TSTD2: variants seen among roughly 807,000 people sequenced by gnomAD.
TSTD2 encodes thiosulfate sulfurtransferase/rhodanese-like domain-containing protein 2.
Under a neutral mutation model 47.9 loss-of-function variants are expected in TSTD2, and 37 were observed. The ratio of observed to expected loss-of-function variants is 0.77; its 90% CI spans 0.59 to 1.02. The LOEUF is 1.02. Among genes scored for constraint, TSTD2 ranks in the 50% least tolerant of loss-of-function variants. The pLI is 0.00. For synonymous variants in TSTD2, 201 were observed against 215.9 expected, an observed-to-expected ratio of 0.93 and a Z score of 0.61; for missense variants, 586 against 616.0, an observed-to-expected ratio of 0.95 and a Z score of 0.52.
chr9:97,626,627 T>C (rs1192636121), intron 2 of TSTD2, among the ~76,000 whole-genome samples: 3 of 152,212 alleles, frequency 2.0e-5, no homozygotes, highest in African/African-American at 4.8e-5. Context: ...CTGATGAACA[T>C]TTAGATTGTT....
Position 97,605,580 on chromosome 9 carries a change from A to G in TSTD2, c.1016T>C (p.Val339Ala), listed in dbSNP as rs764581926. ...IRKFSYFPSY[V>A]DKNLELFREK... ...TCTGAAAAGTTCTAGATTTTTGTCA[A>G]CGTAGCTAGGGAAGTAACTGAATTT... Residue 339 changes from valine to alanine, a missense_variant, in exon 8 of 10, where the codon GTT becomes GCT. By Grantham distance (64) the Val-to-Ala change is moderately conservative. Coordinates refer to ENST00000341170, the MANE Select transcript of TSTD2 (RefSeq NM_139246.5). 4.3e-6 allele frequency: 7 copies of G among 1,614,116 alleles called. No individual in the cohort carries two copies. The highest frequency in any genetic ancestry group is 1.3e-5 in the African/African-American group (1 of 74,940).
intron 1 of TSTD2, among the ~76,000 whole-genome samples, chr9:97,630,108 A>T (rs1826784990): frequency 6.6e-6 from 1 of 152,114 alleles, no homozygotes; most frequent in African/African-American, 2.4e-5. Context: ...AAGGCCTGAA[A>T]AACTTAGTTT....
intron 9 of TSTD2, 180 bp from the exon 10 acceptor site, chr9:97,602,947 A>AT (rs1434615644): frequency 7.2e-6 from 4 of 556,370 alleles, no homozygotes; most frequent in South Asian, 7.4e-5. Context: ...CACCCAGCTT[A>AT]TTTTTTTGTG....
chr9:97,621,210 T>G (rs763036284), intron 3 of TSTD2, among the ~76,000 whole-genome samples: 3 of 152,244 alleles, frequency 2.0e-5, no homozygotes, highest in Non-Finnish European at 2.9e-5. Context: ...TTGTGAAGAT[T>G]TCATGGACAT....
chr9:97,600,522 T>A lies in TSTD2; in HGVS notation c.*1947A>T. 23 of 985,786 alleles carry A rather than the reference T, an allele frequency of 2.3e-5. No individual in the cohort carries two copies. The highest frequency in any genetic ancestry group is 2.8e-5 in the Non-Finnish European group (23 of 830,198). 61.1% of individuals were successfully genotyped at this position (985,786 alleles called of 1,614,324 possible). On this transcript the variant is annotated 3_prime_UTR_variant, in exon 10 of 10. Coordinates refer to ENST00000341170, the MANE Select transcript of TSTD2 (RefSeq NM_139246.5). ...ACGGCCAAATACTTTTGAAAACACCTTTCTATATTGCACAGTGGGCAAATG... is the reference window on the plus strand; with the variant it reads ...ACGGCCAAATACTTTTGAAAACACCATTCTATATTGCACAGTGGGCAAATG...
chr9:97,617,213 G>A lies in TSTD2; in HGVS notation c.603+544C>T, dbSNP rs961674271. Among the ~76,000 whole-genome samples the A allele has an allele frequency of 1.6e-3, 237 of 152,352 alleles. 1 individual carries two copies. Among genetic ancestry groups the A allele is most frequent in the African/African-American group, 5.4e-3 (225 of 41,584 alleles). On this transcript the variant is annotated intron_variant, in intron 4 of 9. Coordinates refer to ENST00000341170, the MANE Select transcript of TSTD2 (RefSeq NM_139246.5). The stretch of plus-strand genomic sequence containing the variant: ...AGATCTGAAGTGGGGTATGCGCCAT[G>A]TGAAGGTGCAGGGAAGAGCACTCTA...
intron 3 of TSTD2, among the ~76,000 whole-genome samples, chr9:97,622,796 G>T (rs1406696201): frequency 6.6e-6 from 1 of 152,222 alleles, no homozygotes; most frequent in Non-Finnish European, 1.5e-5. Context: ...GACTTGCATG[G>T]GGCCTGTGGC....
At chr9:97,626,968 T>C (rs1297591952) in intron 2 of TSTD2, among the ~76,000 whole-genome samples, 2 of 152,218 alleles carry the variant, frequency 1.3e-5, no homozygotes, top group African/African-American at 4.8e-5. Context: ...GCTGAATACT[T>C]TTTCCTGCTT....
Position 97,602,402 on chromosome 9 carries a change from G to C in TSTD2, c.*67C>G, listed in dbSNP as rs1826276382. The C allele has an allele frequency of 1.3e-6, 2 of 1,484,130 alleles. No homozygotes were observed. Among genetic ancestry groups the C allele is most frequent in the Non-Finnish European group, 1.8e-6 (2 of 1,113,104 alleles). The allele number at this position is 1,484,130 out of a possible 1,614,324, so 91.9% of individuals were successfully genotyped here. A position where few individuals can be genotyped will look rare whatever the true frequency, so the allele number is the denominator to read the frequency against. Reference sequence around the variant, plus strand: ...TTCTCTGTTTCTGCAGTCTTGCCATGCTTTCTCTGTATAGTCACCCCAAAC... The same window carrying C: ...TTCTCTGTTTCTGCAGTCTTGCCATCCTTTCTCTGTATAGTCACCCCAAAC... On this transcript the variant is annotated 3_prime_UTR_variant, in exon 10 of 10. Transcript: ENST00000341170.
chr9:97,600,487 G>GTT lies in TSTD2; in HGVS notation c.*1981_*1982insAA. 1.0e-6 allele frequency: 1 copy of GTT among 985,650 alleles called. No homozygotes were observed. Among genetic ancestry groups the GTT allele is most frequent in the Non-Finnish European group, 1.2e-6 (1 of 830,104 alleles). The allele number at this position is 985,650 out of a possible 1,614,324, so 61.1% of individuals were successfully genotyped here. A position where few individuals can be genotyped will look rare whatever the true frequency, so the allele number is the denominator to read the frequency against. ...ATTGAATGCCAACCTTATGATGGAT[G>GTT]TGAAAATCTACGGCCAAATACTTTT... On this transcript the variant is annotated 3_prime_UTR_variant, in exon 10 of 10. Transcript: ENST00000341170.
chr9:97,619,808 C>T (rs951868360), intron 3 of TSTD2, among the ~76,000 whole-genome samples: 2 of 152,140 alleles, frequency 1.3e-5, no homozygotes, highest in East Asian at 1.9e-4. Context: ...AAGTTATACG[C>T]AAATTTTCAA....
Position 97,606,270 on chromosome 9 carries a change from A to T in TSTD2, c.836-9T>A. ...TGGGGATAAATGGATTCCTAAAACC[A>T]AACCAAAAAAATTATATTAAAACAA... On this transcript the variant is annotated splice_polypyrimidine_tract_variant and intron_variant, in intron 6 of 9. Transcript: ENST00000341170. 1 of 1,521,924 alleles carries T rather than the reference A, an allele frequency of 6.6e-7. No homozygotes were observed. The highest frequency in any genetic ancestry group is 1.2e-5 in the South Asian group (1 of 84,254). The allele number at this position is 1,521,924 out of a possible 1,614,324, so 94.3% of individuals were successfully genotyped here. A position where few individuals can be genotyped will look rare whatever the true frequency, so the allele number is the denominator to read the frequency against.
chr9:97,604,993 C>T (rs1826341790), intron 8 of TSTD2, 128 bp from the exon 9 acceptor site: 1 of 1,456,184 alleles, frequency 6.9e-7, no homozygotes. Context: ...CAGTCAGGGG[C>T]TCCTGGCTCC....
chr9:97,627,934 G>C (rs531903346), intron 1 of TSTD2, among the ~76,000 whole-genome samples: 23 of 152,334 alleles, frequency 1.5e-4, no homozygotes, highest in African/African-American at 5.5e-4. Context: ...ATAATCAGCA[G>C]GGTAGGGAGG....
At chr9:97,602,895 G>A in intron 9 of TSTD2, 128 bp from the exon 10 acceptor site, 2 of 893,516 alleles carry the variant, frequency 2.2e-6, no homozygotes, top group Non-Finnish European at 3.3e-6. Flanking sequence ...CAAATAGTAA[G>A]TCTTCTGTCT....
rs1826281867 is a variant in TSTD2, at chr9:97,602,576, T to C, written c.1444A>G (p.Thr482Ala). The C allele has an allele frequency of 5.0e-6, 8 of 1,614,200 alleles. No individual in the cohort carries two copies. Among genetic ancestry groups the C allele is most frequent in the African/African-American group, 1.3e-5 (1 of 75,052 alleles). Residue 482 changes from threonine (T) to alanine (A), a missense_variant, in exon 10 of 10, where the codon ACA (threonine) becomes GCA (alanine). Thr to Ala is a moderately conservative substitution (Grantham distance 58). Coordinates refer to ENST00000341170, the MANE Select transcript of TSTD2 (RefSeq NM_139246.5). ...QDSFKEECEC[T>A]ARRPRIPREL... ...CTAGGTATGCGTGGCCGTCGGGCTG[T>C]GCACTCGCATTCCTCTTTAAAGCTG...
intron 1 of TSTD2, among the ~76,000 whole-genome samples, chr9:97,628,053 AAAT>A (rs1386662656): frequency 6.6e-6 from 1 of 152,226 alleles, no homozygotes; most frequent in Non-Finnish European, 1.5e-5. Flanking sequence ...TCATTAGGGT[AAAT>A]AATACCAGAA....
In TSTD2 at chr9:97,625,918, CAGCATTTCCACAAT is replaced by C; in HGVS notation, c.231_244del (p.Leu78SerfsTer12). 1 of 1,614,058 alleles carries C rather than the reference CAGCATTTCCACAAT, an allele frequency of 6.2e-7. No individual in the cohort carries two copies. The highest frequency in any genetic ancestry group is 8.5e-7 in the Non-Finnish European group (1 of 1,179,966). On this transcript the variant is annotated frameshift_variant, in exon 3 of 10. Coordinates refer to ENST00000341170, the MANE Select transcript of TSTD2 (RefSeq NM_139246.5). LOFTEE classifies it high-confidence loss of function. ...GGTTTGGTCTGTGAATAGCTGCCGA[CAGCATTTCCACAAT>C]TTTTCTTTACATTCAAAACTCCTTT... is the stretch of plus-strand genomic sequence containing the variant.
At chr9:97,612,233 T>C (rs1463430580) in intron 4 of TSTD2, among the ~76,000 whole-genome samples, 1 of 152,250 alleles carries the variant, frequency 6.6e-6, no homozygotes, top group East Asian at 1.9e-4. Flanking sequence ...ACATTTTCTT[T>C]ATCCAGTTTA....
Sources: gnomAD v4.1 joint callset for allele counts (sites outside exome capture counted in the v4.1 genomes callset) on GRCh38, gnomAD v4.1.1 for gene constraint, MANE v1.5 for transcripts, NCBI Gene and HGNC (gene_info 2026-07-23, HGNC 2026-07-21) for gene names.